Variants in KAT7 observed in about 807,000 individuals in gnomAD.
KAT7 encodes lysine acetyltransferase 7.
A neutral mutation model predicts 82.1 loss-of-function variants in KAT7; 10 were observed. The observed-to-expected ratio is 0.12, with a 90% CI of 0.08 to 0.21. KAT7 has a LOEUF of 0.21. Ranked by LOEUF, KAT7 falls within the 10% of genes least tolerant of loss-of-function variation. KAT7 has a pLI of 1.00. For synonymous variants in KAT7, 250 were observed against 262.5 expected (o/e 0.95, Z 0.46); for missense variants, 378 against 760.9 (o/e 0.50, Z 5.92).
chr17:49,803,105 AAATTGC>A (rs1451223598), intron 4 of KAT7, among the ~76,000 whole-genome samples: 2 of 151,614 alleles, frequency 1.3e-5, no homozygotes. Flanking sequence ...CGGACCTCTA[AAATTGC>A]ATTTTTTTTT....
At chr17:49,797,861 CT>C (rs1321255519) in intron 3 of KAT7, among the ~76,000 whole-genome samples, 1 of 152,168 alleles carries the variant, frequency 6.6e-6, no homozygotes, top group Non-Finnish European at 1.5e-5. Context: ...GATTTAGAGT[CT>C]GGAATTTCAA....
chr17:49,794,257 A>C (rs933409363), intron 2 of KAT7, among the ~76,000 whole-genome samples: 3 of 152,186 alleles, frequency 2.0e-5, no homozygotes, highest in Admixed American at 2.0e-4. Context: ...GGGACAGCCA[A>C]CTTAGGGCAG....
At chr17:49,791,576 TGAACCCGG>T (rs2073890055) in intron 1 of KAT7, among the ~76,000 whole-genome samples, 1 of 152,204 alleles carries the variant, frequency 6.6e-6, no homozygotes, top group Non-Finnish European at 1.5e-5. Flanking sequence ...GAGAATCACT[TGAACCCGG>T]GAGGCGGAGG....
intron 9 of KAT7, among the ~76,000 whole-genome samples, chr17:49,819,592 A>T (rs1453495562): frequency 1.1e-4 from 17 of 152,230 alleles, no homozygotes; most frequent in Admixed American, 1.1e-3. Context: ...AGTCTGAATA[A>T]ATCTGAGAAT....
chr17:49,792,436 AT>A lies in KAT7; in HGVS notation c.163+414del, dbSNP rs879336919. ...ATCTGATTTATGGTGGCTTGATTTA[AT>A]TTTTTTTTTTAACTTTACAGTGGTG... On this transcript the variant is annotated intron_variant, in intron 2 of 14. Coordinates refer to ENST00000259021, the MANE Select transcript of KAT7 (RefSeq NM_007067.5). Among the ~76,000 whole-genome samples, 342 of 148,886 alleles carry A rather than the reference AT, an allele frequency of 2.3e-3. 2 individuals carry two copies. The highest frequency in any genetic ancestry group is 3.5e-3 in the Middle Eastern group (1 of 288).
At chr17:49,798,962 A>C (rs1001000294) in intron 4 of KAT7, among the ~76,000 whole-genome samples, 2 of 152,220 alleles carry the variant, frequency 1.3e-5, no homozygotes, top group African/African-American at 4.8e-5. Flanking sequence ...AATGAGAAAA[A>C]CATTTCCTGT....
chr17:49,822,208 G>A (rs1278973239), intron 11 of KAT7, among the ~76,000 whole-genome samples: 1 of 151,704 alleles, frequency 6.6e-6, no homozygotes, highest in Non-Finnish European at 1.5e-5. Flanking sequence ...ACACTACTGC[G>A]CCTTTTAAAG....
chr17:49,811,616 A>C, intron 7 of KAT7, 42 bp downstream of exon 7: 1 of 989,370 alleles, frequency 1.0e-6, no homozygotes, highest in South Asian at 2.2e-5. Flanking sequence ...AACTCCTGCT[A>C]TCACATTTGA....
chr17:49,825,158 A>G (rs1302404123), intron 12 of KAT7, among the ~76,000 whole-genome samples: 2 of 152,324 alleles, frequency 1.3e-5, no homozygotes, highest in Non-Finnish European at 1.5e-5. Context: ...AGGGTTCCCC[A>G]GATTATGAAC....
Position 49,793,435 on chromosome 17 carries a change from C to T in KAT7, c.163+1402C>T, listed in dbSNP as rs187602465. ...GATTTGGAGGGTACCCTTGACCCTC[C>T]TGGCTCTGCTCTGGTATTCCCTGAG... On this transcript the variant is annotated intron_variant, in intron 2 of 14. Transcript: ENST00000259021. Among the ~76,000 whole-genome samples the T allele has an allele frequency of 1.6e-4, 25 of 152,258 alleles. No homozygotes were observed. The East Asian group carries it at 4.6e-3, about 28-fold the overall frequency.
At chr17:49,809,899 T>C (rs2074140251) in intron 6 of KAT7, among the ~76,000 whole-genome samples, 1 of 152,232 alleles carries the variant, frequency 6.6e-6, no homozygotes, top group African/African-American at 2.4e-5. Context: ...CCCATTGTAG[T>C]GCTCTCAAAA....
intron 1 of KAT7, 54 bp from the exon 2 acceptor site, chr17:49,791,832 C>T: frequency 1.3e-6 from 2 of 1,560,174 alleles, no homozygotes; most frequent in Non-Finnish European, 1.8e-6. Flanking sequence ...AATGTTAATG[C>T]AAACTCTCAG....
chr17:49,797,511 C>T (rs1232731675), intron 3 of KAT7, among the ~76,000 whole-genome samples: 1 of 152,156 alleles, frequency 6.6e-6, no homozygotes, highest in Non-Finnish European at 1.5e-5. Flanking sequence ...GCAGACTTTT[C>T]TTATAGCCAT....
chr17:49,816,593 A>G (rs933031276), intron 8 of KAT7, among the ~76,000 whole-genome samples: 1 of 152,172 alleles, frequency 6.6e-6, no homozygotes, highest in Non-Finnish European at 1.5e-5. Context: ...CTTGTATTAA[A>G]AAAAAATTGT....
At chr17:49,789,361 CG>C (rs2073853761) in intron 1 of KAT7, 1 of 153,174 alleles carries the variant, frequency 6.5e-6, no homozygotes, top group Non-Finnish European at 1.5e-5. Context: ...TTGGAGGCCT[CG>C]TTACCTTCCA....
At chr17:49,816,142 C>T (rs569252869) in intron 8 of KAT7, among the ~76,000 whole-genome samples, 149 of 152,046 alleles carry the variant, frequency 9.8e-4, no homozygotes, top group Non-Finnish European at 1.7e-3. Flanking sequence ...CCTCGGCTCC[C>T]GGAAGTACCA....
At chr17:49,812,642 A>G (rs1051553015) in intron 7 of KAT7, among the ~76,000 whole-genome samples, 1 of 152,176 alleles carries the variant, frequency 6.6e-6, no homozygotes, top group Non-Finnish European at 1.5e-5. Context: ...GTCCTTCAAG[A>G]TACAAACCAC....
At chr17:49,825,644 C>T (rs1055352864) in intron 12 of KAT7, among the ~76,000 whole-genome samples, 5 of 152,198 alleles carry the variant, frequency 3.3e-5, no homozygotes, top group African/African-American at 1.2e-4. Flanking sequence ...TTACTCTCTT[C>T]CTGTTCTTAA....
rs1489581153 is a variant in KAT7 at position 49,827,849 on chromosome 17, A to G, written c.*347A>G. The G allele has an allele frequency of 2.3e-5, 5 of 220,658 alleles. No individual in the cohort carries two copies. Among genetic ancestry groups the G allele is most frequent in the African/African-American group, 1.1e-4 (5 of 44,096 alleles). 13.7% of individuals were successfully genotyped at this position (220,658 alleles called of 1,614,324 possible). On this transcript the variant is annotated 3_prime_UTR_variant, in exon 15 of 15. Transcript: ENST00000259021. ...CCATGAGGTTGTGTTGTGTCTTCTA[A>G]GCGTGGTACTAGTGCTTGCCACCTG...
Sources: allele counts gnomAD v4.1 joint callset (sites outside exome capture counted in the v4.1 genomes callset), GRCh38; gene constraint gnomAD v4.1.1; transcripts MANE v1.5; gene names NCBI Gene and HGNC (gene_info 2026-07-23, HGNC 2026-07-21).